Variants in FTO observed in about 807,000 individuals in gnomAD.
The protein encoded by FTO is alpha-ketoglutarate-dependent dioxygenase FTO.
In FTO, 47 loss-of-function variants were observed where a neutral mutation model predicts 63.9. The observed-to-expected ratio is 0.74, with a 90% CI of 0.58 to 0.94. The LOEUF is 0.94. Ranked by LOEUF, FTO falls within the 40% of genes least tolerant of loss-of-function variation. The probability of loss-of-function intolerance (pLI) is 0.00; values close to 1 mark genes in which losing one functional copy is unlikely to be tolerated. For synonymous variants in FTO, 207 were observed against 224.4 expected (o/e 0.92, Z 0.69); for missense variants, 562 against 618.1 (o/e 0.91, Z 0.96).
intron 8 of FTO, among the ~76,000 whole-genome samples, chr16:53,975,095 A>G (rs75000265): frequency 8.6e-5 from 13 of 152,044 alleles, no homozygotes; most frequent in Non-Finnish European, 1.8e-4. Context: ...TTTAGTTTTT[A>G]TATAGAGCAC....
At chr16:53,867,244 T>A (rs1001353456) in intron 4 of FTO, among the ~76,000 whole-genome samples, 3 of 152,140 alleles carry the variant, frequency 2.0e-5, no homozygotes, top group Non-Finnish European at 2.9e-5. Context: ...AAATATTTTT[T>A]AAAAAAATGT....
chr16:53,765,357 GACC>G (rs56772311), intron 1 of FTO, among the ~76,000 whole-genome samples: 63,148 of 151,384 alleles, frequency 0.42, 13,432 homozygotes, highest in Non-Finnish European at 0.44. Context: ...AGGAGTTCGA[GACC>G]AGCCTGGGCA....
chr16:54,030,131 T>C (rs951101250), intron 8 of FTO, among the ~76,000 whole-genome samples: 40 of 152,334 alleles, frequency 2.6e-4, no homozygotes, highest in African/African-American at 9.4e-4. Flanking sequence ...TCCTGTCACC[T>C]TGACATCTGC....
chr16:53,710,230 G>A (rs1304064161), intron 1 of FTO, among the ~76,000 whole-genome samples: 1 of 144,568 alleles, frequency 6.9e-6, no homozygotes, highest in African/African-American at 2.6e-5. Context: ...ATTCTTATTT[G>A]TCTTATGTTT....
intron 4 of FTO, among the ~76,000 whole-genome samples, chr16:53,846,665 G>T (rs2079629178): frequency 1.3e-5 from 2 of 151,930 alleles, no homozygotes. Flanking sequence ...AGCTGGGTGT[G>T]GTGGCACGTG....
chr16:53,741,354 G>A (rs758577858), intron 1 of FTO, among the ~76,000 whole-genome samples: 6 of 152,112 alleles, frequency 3.9e-5, no homozygotes, highest in Non-Finnish European at 7.4e-5. Flanking sequence ...ATGTGCTTTT[G>A]TAATTTACCC....
chr16:53,958,384 T>C (rs1378510727), intron 8 of FTO, among the ~76,000 whole-genome samples: 1 of 152,208 alleles, frequency 6.6e-6, no homozygotes, highest in Non-Finnish European at 1.5e-5. Context: ...CGTGGAAAGC[T>C]TGGGAACACT....
chr16:54,079,481 A>G (rs1337999490), intron 8 of FTO, among the ~76,000 whole-genome samples: 4 of 152,232 alleles, frequency 2.6e-5, no homozygotes, highest in Non-Finnish European at 5.9e-5. Flanking sequence ...GGCAGCCACT[A>G]GAAGAAAAAC....
At chr16:53,704,056 GT>G (rs1971785420), upstream of FTO, 1 of 1,028,148 alleles carries the variant, frequency 9.7e-7, no homozygotes, top group Non-Finnish European at 1.5e-6. Flanking sequence ...GGGAGTTGTA[GT>G]TTTTTCTACT....
At chr16:54,034,828 G>T (rs1754095761) in intron 8 of FTO, among the ~76,000 whole-genome samples, 2 of 152,158 alleles carry the variant, frequency 1.3e-5, no homozygotes, top group African/African-American at 4.8e-5. Context: ...AAAAATTAAA[G>T]CTGGTCTCTG....
chr16:53,761,470 C>T (rs918822171), intron 1 of FTO, among the ~76,000 whole-genome samples: 15 of 152,100 alleles, frequency 9.9e-5, no homozygotes, highest in African/African-American at 3.4e-4. Context: ...TGTTTTGAAT[C>T]CACCATGTTA....
At chr16:54,093,804 C>T (rs1347283130) in intron 8 of FTO, among the ~76,000 whole-genome samples, 1 of 152,160 alleles carries the variant, frequency 6.6e-6, no homozygotes, top group East Asian at 1.9e-4. Context: ...CTGCCTTTGC[C>T]CCCATCTCTA....
chr16:53,759,693 C>CAAAAAAAA (rs758376530), intron 1 of FTO, among the ~76,000 whole-genome samples: 20 of 28,342 alleles, frequency 7.1e-4, no homozygotes, highest in African/African-American at 1.1e-3. Context: ...GACTCCTTCT[C>CAAAAAAAA]AAAAAAAAAA....
chr16:53,877,127 G>T (rs2080679159), intron 5 of FTO, among the ~76,000 whole-genome samples: 1 of 152,228 alleles, frequency 6.6e-6, no homozygotes, highest in Admixed American at 6.5e-5. Context: ...CTGCCAGAGG[G>T]AATGGACAGT....
At chr16:53,836,650 C>G (rs2079301322) in intron 3 of FTO, among the ~76,000 whole-genome samples, 1 of 152,150 alleles carries the variant, frequency 6.6e-6, no homozygotes, top group African/African-American at 2.4e-5. Flanking sequence ...CCCAAAGAGG[C>G]TTAATTTAAA....
intron 4 of FTO, among the ~76,000 whole-genome samples, chr16:53,853,749 A>G (rs1211525242): frequency 6.6e-6 from 1 of 152,126 alleles, no homozygotes; most frequent in Non-Finnish European, 1.5e-5. Context: ...GGTTGATTCC[A>G]TATCTTTGCA....
intron 8 of FTO, among the ~76,000 whole-genome samples, chr16:53,951,866 G>A (rs74022309): frequency 0.012 from 1,856 of 151,942 alleles, 40 homozygotes; most frequent in African/African-American, 0.042. Flanking sequence ...CAATAATGTG[G>A]GTGGTTCATG....
intron 1 of FTO, among the ~76,000 whole-genome samples, chr16:53,785,929 AAG>A (rs1555633446): frequency 6.6e-6 from 1 of 151,748 alleles, no homozygotes; most frequent in Non-Finnish European, 1.5e-5. Context: ...AAAAAAAAAA[AAG>A]AAAGTCATGA....
chr16:53,762,926 C>T (rs2077103844), intron 1 of FTO, among the ~76,000 whole-genome samples: 2 of 152,082 alleles, frequency 1.3e-5, no homozygotes, highest in Admixed American at 1.3e-4. Flanking sequence ...CAAAAGCTGT[C>T]ATTTTATTAT....
Sources: allele counts gnomAD v4.1 joint callset (sites outside exome capture counted in the v4.1 genomes callset), GRCh38; gene constraint gnomAD v4.1.1; transcripts MANE v1.5; gene names NCBI Gene and HGNC (gene_info 2026-07-23, HGNC 2026-07-21).